PANK4: variants seen among roughly 807,000 people sequenced by gnomAD.
PANK4 encodes the protein pantothenate kinase 4 (inactive).
PANK4 carries 40 observed loss-of-function variants against 87.9 expected under a neutral mutation model. That is an observed-to-expected ratio of 0.46 (90% CI 0.35 to 0.59). The LOEUF (loss-of-function observed/expected upper bound fraction) is 0.59. Ranked by LOEUF, PANK4 falls within the 20% of genes least tolerant of loss-of-function variation. The pLI, the probability that PANK4 is intolerant of heterozygous loss-of-function variation, is 0.00. For missense variants in PANK4, 926 were observed against 1,072.3 expected (o/e 0.86, Z 1.90); for synonymous variants, 524 against 467.4 (o/e 1.12, Z -1.56).
intron 12 of PANK4, 73 bp from the exon 13 acceptor site, chr1:2,513,112 A>G: frequency 1.4e-6 from 2 of 1,476,242 alleles, no homozygotes; most frequent in Non-Finnish European, 1.8e-6. Context: ...TGCCAGGCGC[A>G]GCCTGTTCCA....
chr1:2,522,044 A>G (rs894252214), intron 1 of PANK4: 23 of 549,896 alleles, frequency 4.2e-5, no homozygotes, highest in Admixed American at 9.4e-5. Flanking sequence ...TGAGCTCAAG[A>G]GGTCCCGCTT....
At position 2,510,826 on chromosome 1, in the gene PANK4, C is replaced by A. The variant is rs777027690; in HGVS notation, c.1834-44G>T. On this transcript the variant is annotated intron_variant, in intron 15 of 18. Transcript: ENST00000378466. This position sits in a 1 kb window ranked among gnomAD's most constrained non-coding sequence, Gnocchi z 4.9. The stretch of plus-strand genomic sequence containing the variant: ...ACGTTCAGTTGGGAACAGGCGCATC[C>A]AAGCGAGTCAGTCCGCACCCCTGCT... 2 of 1,158,956 alleles carry A rather than the reference C, an allele frequency of 1.7e-6. No homozygotes were observed. Among genetic ancestry groups the A allele is most frequent in the Non-Finnish European group, 2.6e-6 (2 of 766,286 alleles). 71.8% of individuals were successfully genotyped at this position (1,158,956 alleles called of 1,614,324 possible).
At chr1:2,511,736 C>T in intron 13 of PANK4, 53 bp from the exon 14 acceptor site, 1 of 1,102,812 alleles carries the variant, frequency 9.1e-7, no homozygotes, top group South Asian at 1.3e-5. Context: ...AAACCTTCAG[C>T]CACAGTGCTC....
At chr1:2,514,305 G>A (rs759364867) in intron 11 of PANK4, 49 bp downstream of exon 11, 3 of 1,379,264 alleles carry the variant, frequency 2.2e-6, no homozygotes, top group South Asian at 1.2e-5. Context: ...AGGTGCAGGG[G>A]CCCTCTGGAT....
intron 9 of PANK4, among the ~76,000 whole-genome samples, chr1:2,517,326 A>G (rs1234464126): frequency 3.3e-5 from 5 of 152,242 alleles, no homozygotes; most frequent in Admixed American, 3.3e-4. Flanking sequence ...GAGAAGCCAA[A>G]ACTCAACAAG....
At position 2,515,362 on chromosome 1, in the gene PANK4, C is replaced by T. The variant is rs768836181; in HGVS notation, c.1374+200G>A. ...GCAACGTGCCTCGCAGACGCCACGT[C>T]CTCACTGACCCACCAGGTGGCCAGG... is the stretch of plus-strand genomic sequence containing the variant. On this transcript the variant is annotated intron_variant, in intron 10 of 18. Transcript: ENST00000378466. The surrounding 1 kb of genome is among the most constrained non-coding windows in gnomAD (Gnocchi z 5.0). 6.5e-5 allele frequency: 46 copies of T among 705,444 alleles called. No individual in the cohort carries two copies. The African/African-American group carries it at 7.8e-4, about 12-fold the overall frequency. The allele number at this position is 705,444 out of a possible 1,614,324, so 43.7% of individuals were successfully genotyped here. A position where few individuals can be genotyped will look rare whatever the true frequency, so the allele number is the denominator to read the frequency against.
chr1:2,519,531 G>A lies in PANK4; in HGVS notation c.854-207C>T, dbSNP rs1342066013. Among the ~76,000 whole-genome samples the A allele has an allele frequency of 4.6e-5, 7 of 152,084 alleles. No individual in the cohort carries two copies. Among genetic ancestry groups the A allele is most frequent in the Non-Finnish European group, 5.9e-5 (4 of 68,014 alleles). On this transcript the variant is annotated intron_variant, in intron 6 of 18. Transcript: ENST00000378466. This position sits in a 1 kb window ranked among gnomAD's most constrained non-coding sequence, Gnocchi z 8.3. ...TGTGATGTGTGAATCATTCCTGGAC[G>A]GATTAAGCTTTGTTTTGAAGGAGGA...
intron 7 of PANK4, 21 bp from the exon 8 acceptor site, chr1:2,518,618 G>T: frequency 6.4e-7 from 1 of 1,551,022 alleles, no homozygotes; most frequent in Non-Finnish European, 8.7e-7. Context: ...CAAAGCACAC[G>T]TGCTGCTGTT....
At position 2,520,074 on chromosome 1, in the gene PANK4, C is replaced by G. The variant is rs1210883674; in HGVS notation, c.700-120G>C. 2.0e-6 allele frequency: 2 copies of G among 1,000,922 alleles called. No individual in the cohort carries two copies. Among genetic ancestry groups the G allele is most frequent in the Non-Finnish European group, 2.9e-6 (2 of 694,814 alleles). 62.0% of individuals were successfully genotyped at this position (1,000,922 alleles called of 1,614,324 possible). A position where few individuals can be genotyped will look rare whatever the true frequency, so the allele number is the denominator to read the frequency against. On this transcript the variant is annotated intron_variant, in intron 5 of 18. Coordinates refer to ENST00000378466, the MANE Select transcript of PANK4 (RefSeq NM_018216.4). The surrounding 1 kb of genome is among the most constrained non-coding windows in gnomAD (Gnocchi z 6.2). ...GCAGGGGGTAAATGGGCCCTCATCG[C>G]GTGGGACCAAAGGCAGGAGGCGGCA...
chr1:2,522,554 G>A (rs1311374547), intron 1 of PANK4, among the ~76,000 whole-genome samples: 1 of 152,184 alleles, frequency 6.6e-6, no homozygotes, highest in South Asian at 2.1e-4. Flanking sequence ...CTTGAAGAAG[G>A]CCTTTTCAAG....
rs1643762752 is a variant in PANK4, at chr1:2,515,890, G to A, written c.1219-173C>T. ...GGCCCCCTCAGCTGCCCGGCGGCCT[G>A]AGCCGGATACCTTGACTTACCCCCT... On this transcript the variant is annotated intron_variant, in intron 9 of 18. Coordinates refer to ENST00000378466, the MANE Select transcript of PANK4 (RefSeq NM_018216.4). The surrounding 1 kb of genome is among the most constrained non-coding windows in gnomAD (Gnocchi z 5.0). 3.0e-6 allele frequency: 2 copies of A among 670,662 alleles called. No homozygotes were observed. Among genetic ancestry groups the A allele is most frequent in the South Asian group, 1.9e-5 (1 of 52,790 alleles). 41.5% of individuals were successfully genotyped at this position (670,662 alleles called of 1,614,324 possible).
chr1:2,515,472 C>A lies in PANK4; in HGVS notation c.1374+90G>T. 1 of 1,395,152 alleles carries A rather than the reference C, an allele frequency of 7.2e-7. No homozygotes were observed. Among genetic ancestry groups the A allele is most frequent in the Non-Finnish European group, 1.0e-6 (1 of 986,330 alleles). 86.4% of individuals were successfully genotyped at this position (1,395,152 alleles called of 1,614,324 possible). A position where few individuals can be genotyped will look rare whatever the true frequency, so the allele number is the denominator to read the frequency against. On this transcript the variant is annotated intron_variant, in intron 10 of 18. Coordinates refer to ENST00000378466, the MANE Select transcript of PANK4 (RefSeq NM_018216.4). This position sits in a 1 kb window ranked among gnomAD's most constrained non-coding sequence, Gnocchi z 5.0. ...TTTCTGGACAACACTGGCCTGTCCC[C>A]CTTCGCCACCTTGGCTTTGCCCCCG...
intron 12 of PANK4, among the ~76,000 whole-genome samples, chr1:2,513,709 C>T (rs904331937): frequency 6.6e-6 from 1 of 152,222 alleles, no homozygotes; most frequent in African/African-American, 2.4e-5. Flanking sequence ...GGCAGGCAGC[C>T]TGTGTCTGTC....
chr1:2,521,489 AC>A, intron 2 of PANK4, 174 bp from the exon 3 acceptor site: 2 of 694,478 alleles, frequency 2.9e-6, no homozygotes, highest in Non-Finnish European at 5.1e-6. Context: ...CCTCAGGGCC[AC>A]CCAGCAGGAG....
Position 2,510,201 on chromosome 1 carries a change from C to T in PANK4, c.1939-44G>A. ...GGCTCTTTAGGAACCTGTGCTGGCCCAGCATGGAGCCTGCGTGCACCCCGG... is the reference window on the plus strand; with the variant it reads ...GGCTCTTTAGGAACCTGTGCTGGCCTAGCATGGAGCCTGCGTGCACCCCGG... On this transcript the variant is annotated intron_variant, in intron 16 of 18. Coordinates refer to ENST00000378466, the MANE Select transcript of PANK4 (RefSeq NM_018216.4). This position sits in a 1 kb window ranked among gnomAD's most constrained non-coding sequence, Gnocchi z 4.9. 7.9e-7 allele frequency: 1 copy of T among 1,266,308 alleles called. No homozygotes were observed. Among genetic ancestry groups the T allele is most frequent in the Non-Finnish European group, 1.1e-6 (1 of 885,252 alleles). 78.4% of individuals were successfully genotyped at this position (1,266,308 alleles called of 1,614,324 possible). A position where few individuals can be genotyped will look rare whatever the true frequency, so the allele number is the denominator to read the frequency against.
chr1:2,521,205 G>A lies in PANK4; in HGVS notation c.318C>T (p.Asp106=), dbSNP rs1313073986. 6 of 1,613,846 alleles carry A rather than the reference G, an allele frequency of 3.7e-6. No homozygotes were observed. Among genetic ancestry groups the A allele is most frequent in the South Asian group, 1.1e-5 (1 of 91,094 alleles). Residue 106 remains aspartate, a synonymous_variant, in exon 3 of 19, where the codon GAC becomes GAT. Transcript: ENST00000378466. ...FENTYIEACL[D]FIKDHLVNTE... ...TGTTGACGAGATGGTCTTTGATGAAGTCCAGGCAGGCTTCGATGTAGGTAT... is the reference window on the plus strand; with the variant it reads ...TGTTGACGAGATGGTCTTTGATGAAATCCAGGCAGGCTTCGATGTAGGTAT...
chr1:2,518,643 C>G, intron 7 of PANK4, 46 bp from the exon 8 acceptor site: 1 of 1,468,936 alleles, frequency 6.8e-7, no homozygotes, highest in East Asian at 2.5e-5. Flanking sequence ...CCACACAACA[C>G]CCGGTGCCTC....
At chr1:2,525,156 G>A (rs1404295905) in intron 1 of PANK4, among the ~76,000 whole-genome samples, 1 of 152,126 alleles carries the variant, frequency 6.6e-6, no homozygotes, top group African/African-American at 2.4e-5. Context: ...GAGAGATGAT[G>A]ACACCAACAA....
rs757356389 is a variant in PANK4 at position 2,514,108 on chromosome 1, G to C, written c.1488-19C>G. On this transcript the variant is annotated intron_variant, in intron 11 of 18. Coordinates refer to ENST00000378466, the MANE Select transcript of PANK4 (RefSeq NM_018216.4). Reference sequence around the variant, plus strand: ...ATAGGCGCTGGGGACAGACACGGCAGAGGGCGCTGAGCAGGGCAGGCCGAA... The same window carrying C: ...ATAGGCGCTGGGGACAGACACGGCACAGGGCGCTGAGCAGGGCAGGCCGAA... 2.5e-6 allele frequency: 4 copies of C among 1,597,030 alleles called. No homozygotes were observed. The Admixed American group carries it at 6.7e-5, about 27-fold the overall frequency.
Sources: gnomAD v4.1 joint callset for allele counts (sites outside exome capture counted in the v4.1 genomes callset) on GRCh38, gnomAD v4.1.1 for gene constraint, Gnocchi (gnomAD v3.1) non-coding constraint, MANE v1.5 for transcripts, NCBI Gene and HGNC (gene_info 2026-07-23, HGNC 2026-07-21) for gene names.